Variants in ZNF831 observed in about 807,000 individuals in gnomAD.
ZNF831 encodes zinc finger protein 831, also known as chromosome 20 open reading frame 174.
A neutral mutation model predicts 95.8 loss-of-function variants in ZNF831; 59 were observed. That is an observed-to-expected ratio of 0.62 (90% CI 0.50 to 0.77). The LOEUF is 0.77. Ranked by LOEUF, ZNF831 falls within the 30% of genes least tolerant of loss-of-function variation. ZNF831 has a pLI of 0.00. For missense variants in ZNF831, 2,205 were observed against 2,164.0 expected, an observed-to-expected ratio of 1.02 and a Z score of -0.38; for synonymous variants, 961 against 925.5, an observed-to-expected ratio of 1.04 and a Z score of -0.70.
intron 1 of ZNF831, among the ~76,000 whole-genome samples, chr20:59,144,807 G>T (rs924071861): frequency 6.6e-6 from 1 of 152,214 alleles, no homozygotes; most frequent in Non-Finnish European, 1.5e-5. Context: ...GTCTTCTGGA[G>T]TTGATGTGTT....
chr20:59,172,556 C>T (rs1183709082), intron 1 of ZNF831, among the ~76,000 whole-genome samples: 6 of 152,144 alleles, frequency 3.9e-5, no homozygotes, highest in Non-Finnish European at 8.8e-5. Flanking sequence ...TTGGAGGTTG[C>T]CTGTGATACA....
chr20:59,185,298 G>A (rs6100361), intron 1 of ZNF831, among the ~76,000 whole-genome samples: 4 of 152,160 alleles, frequency 2.6e-5, no homozygotes, highest in African/African-American at 9.7e-5. Flanking sequence ...GTTACTCAAA[G>A]GCGTCAATTT....
At position 59,256,183 on chromosome 20, in the gene ZNF831, T is replaced by A. The variant is rs1398642193; in HGVS notation, c.*1440T>A. On this transcript the variant is annotated 3_prime_UTR_variant, in exon 6 of 6. Transcript: ENST00000371030. Reference sequence around the variant, plus strand: ...GAATACACTTCAGTCAGTCTGTGCCTGTGACTAAGTATGGTCAAATTTCAA... The same window carrying A: ...GAATACACTTCAGTCAGTCTGTGCCAGTGACTAAGTATGGTCAAATTTCAA... 6.6e-6 allele frequency: 1 copy of A among 152,244 alleles called. No homozygotes were observed. The highest frequency in any genetic ancestry group is 1.5e-5 in the Non-Finnish European group (1 of 68,042). 9.4% of individuals were successfully genotyped at this position (152,244 alleles called of 1,614,324 possible). A position where few individuals can be genotyped will look rare whatever the true frequency, so the allele number is the denominator to read the frequency against.
At chr20:59,219,604 G>A (rs946406945) in intron 4 of ZNF831, among the ~76,000 whole-genome samples, 5 of 152,134 alleles carry the variant, frequency 3.3e-5, no homozygotes, top group Non-Finnish European at 5.9e-5. Context: ...CACCCCAAAG[G>A]CTTCTCCATT....
rs2146767865 is a variant in ZNF831, at chr20:59,254,321, A to G, written c.4612A>G (p.Arg1538Gly). 6.2e-7 allele frequency: 1 copy of G among 1,614,134 alleles called. No individual in the cohort carries two copies. Among genetic ancestry groups the G allele is most frequent in the African/African-American group, 1.3e-5 (1 of 75,032 alleles). Residue 1538 changes from arginine (R) to glycine (G), a missense_variant, in exon 6 of 6, where the codon AGA (arginine) becomes GGA (glycine). Coordinates refer to ENST00000371030, the MANE Select transcript of ZNF831 (RefSeq NM_178457.3). The surrounding 1 kb of genome is among the most constrained non-coding windows in gnomAD (Gnocchi z 4.5). ...SPDSKVTEEG[R>G]AQTLLPGRPS... ...AGACAGCAAAGTCACAGAAGAGGGC[A>G]GAGCACAGACCCTCTTGCCAGGGAG...
At chr20:59,140,519 T>C (rs1421742355) in intron 1 of ZNF831, among the ~76,000 whole-genome samples, 3 of 152,186 alleles carry the variant, frequency 2.0e-5, no homozygotes, top group Non-Finnish European at 1.5e-5. Flanking sequence ...TCTGAAGTCT[T>C]TTATTTTTCG....
intron 4 of ZNF831, among the ~76,000 whole-genome samples, chr20:59,241,141 C>T (rs867395622): frequency 2.0e-5 from 3 of 152,214 alleles, no homozygotes; most frequent in Middle Eastern, 6.8e-3. Context: ...GAATTTGGCC[C>T]CTCTCTTCCT....
At chr20:59,182,972 G>A (rs530345107) in intron 1 of ZNF831, among the ~76,000 whole-genome samples, 72 of 152,258 alleles carry the variant, frequency 4.7e-4, no homozygotes, top group African/African-American at 1.7e-3. Context: ...ATTCACCTGC[G>A]CACATAAGGT....
intron 4 of ZNF831, among the ~76,000 whole-genome samples, chr20:59,210,606 G>T (rs1985232523): frequency 2.0e-5 from 3 of 152,146 alleles, no homozygotes; most frequent in Admixed American, 6.5e-5. Context: ...GACCCTGGGG[G>T]CCTCAGTGAG....
intron 1 of ZNF831, among the ~76,000 whole-genome samples, chr20:59,129,331 A>G (rs888388687): frequency 2.0e-5 from 3 of 152,110 alleles, no homozygotes; most frequent in Middle Eastern, 3.2e-3. Context: ...CAACGCTAAC[A>G]AGACACAGAA....
rs1347835698 is a variant in ZNF831 at position 59,256,726 on chromosome 20, A to T, written c.*1983A>T. On this transcript the variant is annotated 3_prime_UTR_variant, in exon 6 of 6. Transcript: ENST00000371030. Reference sequence around the variant, plus strand: ...GGAACCATTGCCACGGAGGCCTTGCATGCAAGAAGTTTGGGTGGGGACAGT... The same window carrying T: ...GGAACCATTGCCACGGAGGCCTTGCTTGCAAGAAGTTTGGGTGGGGACAGT... The T allele has an allele frequency of 6.6e-6, 1 of 152,248 alleles. No homozygotes were observed. The highest frequency in any genetic ancestry group is 2.4e-5 in the African/African-American group (1 of 41,468). The allele number at this position is 152,248 out of a possible 1,614,324, so 9.4% of individuals were successfully genotyped here. A position where few individuals can be genotyped will look rare whatever the true frequency, so the allele number is the denominator to read the frequency against.
At chr20:59,185,067 G>A (rs762937612) in intron 1 of ZNF831, among the ~76,000 whole-genome samples, 6 of 149,006 alleles carry the variant, frequency 4.0e-5, no homozygotes, top group Admixed American at 6.6e-5. Context: ...GGGCTGTCCC[G>A]GACCCTTCCC....
chr20:59,152,245 T>C (rs987778947), intron 2 of ZNF831, among the ~76,000 whole-genome samples: 1 of 152,168 alleles, frequency 6.6e-6, no homozygotes, highest in African/African-American at 2.4e-5. Flanking sequence ...CTAAATCCAC[T>C]ACAATGTAAG....
At chr20:59,238,920 G>A (rs951998833) in intron 4 of ZNF831, among the ~76,000 whole-genome samples, 1 of 152,146 alleles carries the variant, frequency 6.6e-6, no homozygotes, top group South Asian at 2.1e-4. Context: ...GCCGGAAGAG[G>A]TTCAGCAAGG....
chr20:59,203,047 T>C (rs906246596), intron 3 of ZNF831, among the ~76,000 whole-genome samples: 3 of 152,124 alleles, frequency 2.0e-5, no homozygotes, highest in Non-Finnish European at 4.4e-5. Flanking sequence ...ATAATGATGG[T>C]TTTTTCATTA....
intron 4 of ZNF831, among the ~76,000 whole-genome samples, chr20:59,220,975 CAT>C (rs1194458858): frequency 6.6e-6 from 1 of 152,190 alleles, no homozygotes; most frequent in Non-Finnish European, 1.5e-5. Flanking sequence ...GTCCATAATT[CAT>C]TTAATCTGGT....
At chr20:59,198,746 G>A (rs939971844) in intron 3 of ZNF831, among the ~76,000 whole-genome samples, 3 of 152,304 alleles carry the variant, frequency 2.0e-5, no homozygotes, top group Non-Finnish European at 4.4e-5. Context: ...ATGCACAAAC[G>A]TTTATTGGTT....
In ZNF831 at chr20:59,191,834, C is replaced by A. The variant is rs777486723; in HGVS notation, c.815C>A (p.Ala272Glu). The change falls in exon 2 of 6, where the codon GCA becomes GAA. Residue 272 changes from alanine to glutamate, a missense_variant. Physicochemically the swap from Ala to Glu is moderately radical, Grantham distance 107. Transcript: ENST00000371030. ...RTEAAPCPGS[A>E]FADREAPWDS... ...GAAGCTGCTCCCTGTCCAGGGTCCG[C>A]ATTTGCCGACAGAGAGGCTCCTTGG... The A allele has an allele frequency of 2.5e-6, 4 of 1,613,378 alleles. No individual in the cohort carries two copies. Among genetic ancestry groups the A allele is most frequent in the Non-Finnish European group, 3.4e-6 (4 of 1,179,996 alleles).
At chr20:59,151,861 C>T (rs1369282858) in intron 2 of ZNF831, among the ~76,000 whole-genome samples, 1 of 152,134 alleles carries the variant, frequency 6.6e-6, no homozygotes, top group Admixed American at 6.5e-5. Flanking sequence ...GCTGCCCAGC[C>T]CCTCTGTCTA....
Sources: allele counts gnomAD v4.1 joint callset (sites outside exome capture counted in the v4.1 genomes callset), GRCh38; gene constraint gnomAD v4.1.1; non-coding constraint Gnocchi (gnomAD v3.1); transcripts MANE v1.5; gene names NCBI Gene and HGNC (gene_info 2026-07-23, HGNC 2026-07-21).